The following ADGRB3 variants were observed in gnomAD, a reference collection of about 807,000 sequenced individuals.
ADGRB3 encodes the protein adhesion G protein-coupled receptor B3, also known as brain-specific angiogenesis inhibitor 3.
ADGRB3 carries 37 observed loss-of-function variants against 193.4 expected under a neutral mutation model. That is an observed-to-expected ratio of 0.19 (90% CI 0.15 to 0.25). ADGRB3 has a LOEUF of 0.25. Among genes scored for constraint, ADGRB3 ranks in the 10% least tolerant of loss-of-function variants. ADGRB3 has a pLI of 1.00. For missense variants in ADGRB3, 1,637 were observed against 1,852.9 expected, an observed-to-expected ratio of 0.88 and a Z score of 2.14; for synonymous variants, 690 against 644.2, an observed-to-expected ratio of 1.07 and a Z score of -1.08.
chr6:68,850,124 G>T (rs546065041), intron 3 of ADGRB3, among the ~76,000 whole-genome samples: 1 of 151,230 alleles, frequency 6.6e-6, no homozygotes, highest in South Asian at 2.1e-4. Context: ...GTAACCTCAG[G>T]TCCCATAGTT....
chr6:69,173,290 G>A (rs535315083), intron 17 of ADGRB3, among the ~76,000 whole-genome samples: 8 of 152,274 alleles, frequency 5.3e-5, no homozygotes, highest in South Asian at 2.1e-4. Context: ...CACCCACCTC[G>A]GCCTCCCAAA....
chr6:68,770,448 T>G (rs1029612140), intron 3 of ADGRB3, among the ~76,000 whole-genome samples: 2 of 152,062 alleles, frequency 1.3e-5, no homozygotes, highest in African/African-American at 4.8e-5. Flanking sequence ...GACATGTCTG[T>G]TTTTTGTTTG....
intron 15 of ADGRB3, among the ~76,000 whole-genome samples, chr6:69,062,228 G>T (rs1018809673): frequency 1.8e-4 from 27 of 151,360 alleles, no homozygotes; most frequent in Middle Eastern, 3.2e-3. Flanking sequence ...AGAAAAAGTT[G>T]GTTCAGTTTT....
intron 3 of ADGRB3, among the ~76,000 whole-genome samples, chr6:68,686,027 T>A (rs931779845): frequency 1.1e-4 from 16 of 152,218 alleles, no homozygotes; most frequent in Admixed American, 3.3e-4. Flanking sequence ...TCTTTTTACA[T>A]TACTAACTGA....
intron 3 of ADGRB3, among the ~76,000 whole-genome samples, chr6:68,895,223 T>C (rs1766187028): frequency 1.1e-4 from 1 of 8,756 alleles, no homozygotes; most frequent in South Asian, 3.3e-3. Context: ...TGAGACTAAT[T>C]TTTTTTTTTT....
chr6:69,261,374 A>G (rs1582587240), intron 20 of ADGRB3, among the ~76,000 whole-genome samples: 1 of 152,168 alleles, frequency 6.6e-6, no homozygotes, highest in Non-Finnish European at 1.5e-5. Flanking sequence ...CTAAGTTTAT[A>G]TAGAATGAAG....
chr6:68,994,263 T>A (rs1486402804), intron 11 of ADGRB3, among the ~76,000 whole-genome samples: 1 of 152,194 alleles, frequency 6.6e-6, no homozygotes, highest in Non-Finnish European at 1.5e-5. Flanking sequence ...CATGGATATT[T>A]TATTCCCACA....
intron 20 of ADGRB3, among the ~76,000 whole-genome samples, chr6:69,265,127 C>T (rs188608471): frequency 3.9e-5 from 6 of 151,998 alleles, no homozygotes; most frequent in East Asian, 3.9e-4. Flanking sequence ...TCATCAGAAT[C>T]GCCCATAGAG....
chr6:69,269,674 T>G (rs1767130718), intron 20 of ADGRB3, among the ~76,000 whole-genome samples: 1 of 152,182 alleles, frequency 6.6e-6, no homozygotes, highest in South Asian at 2.1e-4. Flanking sequence ...ATAATTAGTT[T>G]ATAATATCAT....
chr6:68,997,891 A>G (rs1261899072), intron 11 of ADGRB3, among the ~76,000 whole-genome samples: 1 of 152,116 alleles, frequency 6.6e-6, no homozygotes, highest in Non-Finnish European at 1.5e-5. Flanking sequence ...GTATTTGTAT[A>G]TAAAAACATT....
intron 17 of ADGRB3, among the ~76,000 whole-genome samples, chr6:69,102,172 C>T (rs1260072677): frequency 1.1e-4 from 13 of 121,802 alleles, no homozygotes; most frequent in Middle Eastern, 4.3e-3. Flanking sequence ...AGCGAGACTC[C>T]GTCTCAAAAA....
intron 19 of ADGRB3, among the ~76,000 whole-genome samples, chr6:69,236,553 T>G (rs1766272099): frequency 6.6e-6 from 1 of 151,964 alleles, no homozygotes; most frequent in Non-Finnish European, 1.5e-5. Context: ...TAAATAACAG[T>G]TGTTCAAAAA....
At chr6:68,996,098 A>C (rs1432720857) in intron 11 of ADGRB3, among the ~76,000 whole-genome samples, 1 of 152,174 alleles carries the variant, frequency 6.6e-6, no homozygotes, top group East Asian at 1.9e-4. Flanking sequence ...TGTGGCATAA[A>C]CTAATCTTAA....
rs532067394 is a variant in ADGRB3, at chr6:68,708,015, G to A, written c.757+68583G>A. 4.6e-5 allele frequency among the ~76,000 whole-genome samples: 7 copies of A among 152,226 alleles called. No individual in the cohort carries two copies. In the South Asian group the frequency reaches 1.5e-3, roughly 32 times the overall value. ...AGACAAGCACCCCAGCAAGCTTGAC[G>A]ATTAACCAAGAGCAAAAAAGACAAA... is the stretch of plus-strand genomic sequence containing the variant. On this transcript the variant is annotated intron_variant, in intron 3 of 31. Coordinates refer to ENST00000370598, the MANE Select transcript of ADGRB3 (RefSeq NM_001704.3).
intron 3 of ADGRB3, among the ~76,000 whole-genome samples, chr6:68,868,303 C>T (rs959410307): frequency 1.3e-5 from 2 of 152,102 alleles, no homozygotes; most frequent in African/African-American, 4.8e-5. Flanking sequence ...CCTGGTACCA[C>T]GTAAGGTGTG....
intron 10 of ADGRB3, among the ~76,000 whole-genome samples, chr6:68,982,882 G>C (rs574610203): frequency 2.6e-5 from 4 of 152,140 alleles, no homozygotes; most frequent in Non-Finnish European, 4.4e-5. Flanking sequence ...TTCTTACCCA[G>C]AATTAAGAAA....
intron 20 of ADGRB3, among the ~76,000 whole-genome samples, chr6:69,246,784 G>A (rs1766506690): frequency 6.6e-6 from 1 of 152,176 alleles, no homozygotes; most frequent in African/African-American, 2.4e-5. Flanking sequence ...AAGCAGTTTG[G>A]ACATTCAGTG....
intron 3 of ADGRB3, among the ~76,000 whole-genome samples, chr6:68,757,759 C>A (rs1423818034): frequency 6.6e-6 from 1 of 152,066 alleles, no homozygotes; most frequent in Admixed American, 6.6e-5. Flanking sequence ...ATACCCATAT[C>A]TTATTGTGTC....
At chr6:69,266,319 A>T (rs1324240003) in intron 20 of ADGRB3, among the ~76,000 whole-genome samples, 1 of 151,988 alleles carries the variant, frequency 6.6e-6, no homozygotes, top group African/African-American at 2.4e-5. Flanking sequence ...TGGTTTCTTT[A>T]GTTCAAAGGA....
Sources: allele counts gnomAD v4.1 joint callset (sites outside exome capture counted in the v4.1 genomes callset), GRCh38; gene constraint gnomAD v4.1.1; transcripts MANE v1.5; gene names NCBI Gene and HGNC (gene_info 2026-07-23, HGNC 2026-07-21).